Variants in TUBE1 observed in about 807,000 individuals in gnomAD.
TUBE1 encodes the protein tubulin epsilon 1.
A neutral mutation model predicts 53.5 loss-of-function variants in TUBE1; 34 were observed. The ratio of observed to expected loss-of-function variants is 0.64; its 90% CI spans 0.48 to 0.85. TUBE1 has a LOEUF of 0.85. Ranked by LOEUF, TUBE1 falls within the 40% of genes least tolerant of loss-of-function variation. The pLI, the probability that TUBE1 is intolerant of heterozygous loss-of-function variation, is 0.00. For missense variants in TUBE1, 532 were observed against 570.5 expected (o/e 0.93, Z 0.69); for synonymous variants, 177 against 198.4 (o/e 0.89, Z 0.91).
intron 3 of TUBE1, among the ~76,000 whole-genome samples, chr6:112,084,606 T>C (rs1777119753): frequency 1.3e-5 from 2 of 152,236 alleles, no homozygotes; most frequent in South Asian, 2.1e-4. Context: ...TGGAGAAGAC[T>C]GCCATTTTAT....
chr6:112,077,312 C>T (rs111882255), intron 6 of TUBE1: 148 of 152,202 alleles, frequency 9.7e-4, no homozygotes, highest in African/African-American at 3.5e-3. Context: ...AGCAGAAACT[C>T]GAGGAATCTC....
At chr6:112,080,936 G>T (rs1210282553) in intron 5 of TUBE1, among the ~76,000 whole-genome samples, 156 bp downstream of exon 5, 4 of 151,996 alleles carry the variant, frequency 2.6e-5, no homozygotes, top group Admixed American at 2.6e-4. Flanking sequence ...GTAAATACAG[G>T]TGGCTTCCAA....
At chr6:112,083,319 C>CTT (rs1562605810) in intron 4 of TUBE1, among the ~76,000 whole-genome samples, 1 of 146,548 alleles carries the variant, frequency 6.8e-6, no homozygotes, top group African/African-American at 2.7e-5. Context: ...CCTTCCATAA[C>CTT]ATTTTTTTTT....
rs185435388 is a variant in TUBE1 at position 112,073,685 on chromosome 6, G to A, written c.954-787C>T. 3.1e-4 allele frequency among the ~76,000 whole-genome samples: 47 copies of A among 152,280 alleles called. 1 individual carries two copies. Among genetic ancestry groups the A allele is most frequent in the African/African-American group, 1.0e-3 (42 of 41,552 alleles). On this transcript the variant is annotated intron_variant, in intron 9 of 11. Transcript: ENST00000368662. ...AGATGAAAACTTACCAATATCACTT[G>A]TGACATTCCTGAAGTATAGAATTAT...
chr6:112,077,551 T>C (rs1742270640), intron 6 of TUBE1: 2 of 152,158 alleles, frequency 1.3e-5, no homozygotes, highest in African/African-American at 4.8e-5. Flanking sequence ...TATTTTTTCA[T>C]GTGTGTATGC....
Position 112,079,367 on chromosome 6 carries a change from A to G in TUBE1, c.448+266T>C, listed in dbSNP as rs1006787603. 10 of 273,738 alleles carry G rather than the reference A, an allele frequency of 3.7e-5. No individual in the cohort carries two copies. The South Asian group carries it at 4.2e-4, about 11-fold the overall frequency. The allele number at this position is 273,738 out of a possible 1,614,324, so 17.0% of individuals were successfully genotyped here. ...ATGTTCTGTAAAAGAAACTAAAGGT[A>G]CAAGAAAAAAAATTTTCCAGTATAG... On this transcript the variant is annotated intron_variant, in intron 6 of 11. Coordinates refer to ENST00000368662, the MANE Select transcript of TUBE1 (RefSeq NM_016262.5).
chr6:112,072,671 G>A, intron 10 of TUBE1, 87 bp downstream of exon 10: 1 of 1,428,040 alleles, frequency 7.0e-7, no homozygotes, highest in South Asian at 1.4e-5. Flanking sequence ...GGCACTGCTA[G>A]AATTTGAAGG....
Position 112,072,901 on chromosome 6 carries a change from G to A in TUBE1, c.954-3C>T, listed in dbSNP as rs1554315581. 6.2e-7 allele frequency: 1 copy of A among 1,611,364 alleles called. No homozygotes were observed. The highest frequency in any genetic ancestry group is 8.5e-7 in the Non-Finnish European group (1 of 1,178,662). ...CATCTGAAAACATCTGATCCAATCTGCAACAATGAAATTGTCATTGTTTAT... is the reference window on the plus strand; with the variant it reads ...CATCTGAAAACATCTGATCCAATCTACAACAATGAAATTGTCATTGTTTAT... On this transcript the variant is annotated splice_polypyrimidine_tract_variant and splice_region_variant and intron_variant, in intron 9 of 11. Coordinates refer to ENST00000368662, the MANE Select transcript of TUBE1 (RefSeq NM_016262.5).
rs201608298 is a variant in TUBE1, at chr6:112,071,528, T to C, written c.1312A>G (p.Ser438Gly). ...GATGACACAGCTTCTGTGAAACAGC[T>C]TTCTTCCATCCCTTCAACTTGTAGA... Reference protein sequence around the residue: ...HYLQVEGMEESCFTEAVSSLS... With the variant: ...HYLQVEGMEEGCFTEAVSSLS... The change falls in exon 12 of 12, where the codon AGC becomes GGC. Residue 438 changes from serine to glycine, a missense_variant. Physicochemically the swap from Ser to Gly is moderately conservative, Grantham distance 56 (BLOSUM62 0). Transcript: ENST00000368662. 13 of 1,612,208 alleles carry C rather than the reference T, an allele frequency of 8.1e-6. No homozygotes were observed.
chr6:112,083,233 A>G (rs1554316948), intron 4 of TUBE1, among the ~76,000 whole-genome samples: 1 of 151,526 alleles, frequency 6.6e-6, no homozygotes, highest in African/African-American at 2.4e-5. Context: ...ATACTAGATG[A>G]TTCCCAGATG....
rs1554316000 is a variant in TUBE1, at chr6:112,076,062, C to T, written c.687G>A (p.Lys229=). 1 of 1,613,640 alleles carries T rather than the reference C, an allele frequency of 6.2e-7. No homozygotes were observed. The highest frequency in any genetic ancestry group is 1.1e-5 in the South Asian group (1 of 90,966). ...SKIDLMVNSG[K]LGTTVKPKSL... ...TCTTTGGCTTCACAGTTGTACCCAA[C>T]TTTCCAGAATTCACCATGAGGTCGA... is the stretch of plus-strand genomic sequence containing the variant. The change falls in exon 8 of 12, where the codon AAG becomes AAA. Residue 229 remains lysine, a synonymous_variant. Coordinates refer to ENST00000368662, the MANE Select transcript of TUBE1 (RefSeq NM_016262.5).
chr6:112,076,397 G>A lies in TUBE1; in HGVS notation c.561C>T (p.Thr187=). ...IYPSGEDDVI[T]SPYNSILAMK... ...TTGCCAAGATGCTATTATAAGGTGA[G>A]GTTATGACATCATCCTCACCAGAAG... The change falls in exon 7 of 12, where the codon ACC becomes ACT. Residue 187 remains threonine (T), a synonymous_variant. Coordinates refer to ENST00000368662, the MANE Select transcript of TUBE1 (RefSeq NM_016262.5). 6.2e-7 allele frequency: 1 copy of A among 1,613,412 alleles called. No individual in the cohort carries two copies. The highest frequency in any genetic ancestry group is 1.3e-5 in the African/African-American group (1 of 74,966).
At chr6:112,083,746 T>C (rs782077939) in intron 4 of TUBE1, among the ~76,000 whole-genome samples, 8 of 152,216 alleles carry the variant, frequency 5.3e-5, no homozygotes, top group Non-Finnish European at 7.3e-5. Flanking sequence ...AATAAGACTG[T>C]AAATATGGGC....
Position 112,084,217 on chromosome 6 carries a change from T to C in TUBE1, c.182A>G (p.Lys61Arg). Residue 61 changes from lysine to arginine, a missense_variant, in exon 4 of 12, where the codon AAG becomes AGG. Coordinates refer to ENST00000368662, the MANE Select transcript of TUBE1 (RefSeq NM_016262.5). ...RVVGDGGSIS[K>R]GKICSLKARA... ...TGCTTTTAAAGAACATATTTTTCCCTTGGAAATACTTCCACCATCACCAAC... is the reference window on the plus strand; with the variant it reads ...TGCTTTTAAAGAACATATTTTTCCCCTGGAAATACTTCCACCATCACCAAC... 1.9e-6 allele frequency: 3 copies of C among 1,613,312 alleles called. No individual in the cohort carries two copies. Among genetic ancestry groups the C allele is most frequent in the Non-Finnish European group, 2.5e-6 (3 of 1,179,364 alleles).
At chr6:112,074,934 T>G in intron 8 of TUBE1, 84 bp from the exon 9 acceptor site, 1 of 974,710 alleles carries the variant, frequency 1.0e-6, no homozygotes, top group South Asian at 2.3e-5. Flanking sequence ...CAGCAGGTAG[T>G]TTCTTAAATT....
chr6:112,072,142 G>T, intron 10 of TUBE1, 66 bp from the exon 11 acceptor site: 1 of 1,253,232 alleles, frequency 8.0e-7, no homozygotes, highest in South Asian at 1.5e-5. Context: ...GCCATATAAT[G>T]GCAGCTCATA....
chr6:112,087,040 T>G (rs1423463019), intron 2 of TUBE1, 193 bp downstream of exon 2: 1 of 595,944 alleles, frequency 1.7e-6, no homozygotes, highest in African/African-American at 1.9e-5. Flanking sequence ...ACGTTAAGAC[T>G]AAGGTCGCTG....
chr6:112,070,675 G>C lies in TUBE1; in HGVS notation c.*737C>G, dbSNP rs587745793. On this transcript the variant is annotated 3_prime_UTR_variant, in exon 12 of 12. Coordinates refer to ENST00000368662, the MANE Select transcript of TUBE1 (RefSeq NM_016262.5). ...CTAGAACTGAAGATTATAGTAACCG[G>C]AACAATTATAGCCATTTATTGCAAA... 6.6e-6 allele frequency: 1 copy of C among 152,198 alleles called. No homozygotes were observed. Among genetic ancestry groups the C allele is most frequent in the East Asian group, 1.9e-4 (1 of 5,194 alleles). The allele number at this position is 152,198 out of a possible 1,614,324, so 9.4% of individuals were successfully genotyped here.
rs587752259 is a variant in TUBE1 at position 112,075,978 on chromosome 6, T to G, written c.771A>C (p.Ala257=). 1 of 1,613,750 alleles carries G rather than the reference T, an allele frequency of 6.2e-7. No homozygotes were observed. Among genetic ancestry groups the G allele is most frequent in the South Asian group, 1.1e-5 (1 of 90,998 alleles). ...LKKQHKKPFD[A]MNNIVANLLL... ...GCAAATTTGCCACAATGTTATTCAT[T>G]GCATCAAAGGGCTTCTTATGCTGCT... Residue 257 remains alanine (A), a synonymous_variant, in exon 8 of 12, where the codon GCA becomes GCC. Transcript: ENST00000368662.
Sources: allele counts gnomAD v4.1 joint callset (sites outside exome capture counted in the v4.1 genomes callset), GRCh38; gene constraint gnomAD v4.1.1; transcripts MANE v1.5; gene names NCBI Gene and HGNC (gene_info 2026-07-23, HGNC 2026-07-21).